PIWIL1: variants seen among roughly 807,000 people sequenced by gnomAD.
The protein encoded by PIWIL1 is piwi-like protein 1.
In PIWIL1, 73 loss-of-function variants were observed where a neutral mutation model predicts 114.4. The observed-to-expected ratio is 0.64, with a 90% CI of 0.53 to 0.78. The LOEUF is 0.78. PIWIL1 is among the 30% of genes least tolerant of loss of function. The pLI, the probability that PIWIL1 is intolerant of heterozygous loss-of-function variation, is 0.00. For synonymous variants in PIWIL1, 375 were observed against 369.0 expected, an observed-to-expected ratio of 1.02 and a Z score of -0.19; for missense variants, 723 against 1,063.1, an observed-to-expected ratio of 0.68 and a Z score of 4.45.
chr12:130,399,784 C>T, the PIWIL1 span: 3 of 1,614,166 alleles, frequency 1.9e-6, no homozygotes, highest in Non-Finnish European at 2.5e-6. Flanking sequence ...AGTTTGAGGG[C>T]ACAAGGCCTT....
At chr12:130,339,202 C>T (rs938377945) in intron 1 of PIWIL1, among the ~76,000 whole-genome samples, 2 of 151,968 alleles carry the variant, frequency 1.3e-5, no homozygotes, top group African/African-American at 4.8e-5. Flanking sequence ...CTGCGAGGCC[C>T]GGGGGTCCTC....
chr12:130,370,635 A>G (rs931439153), intron 19 of PIWIL1, among the ~76,000 whole-genome samples: 2 of 152,172 alleles, frequency 1.3e-5, no homozygotes, highest in African/African-American at 4.8e-5. Flanking sequence ...ACTAGTTTAT[A>G]TTCTTTCATG....
chr12:130,362,854 T>C lies in PIWIL1; in HGVS notation c.2041+18T>C. 2.5e-6 allele frequency: 4 copies of C among 1,613,210 alleles called. No individual in the cohort carries two copies. Among genetic ancestry groups the C allele is most frequent in the Non-Finnish European group, 3.4e-6 (4 of 1,179,318 alleles). On this transcript the variant is annotated intron_variant, in intron 17 of 20. Transcript: ENST00000245255. Reference sequence around the variant, plus strand: ...CCTGCAAGGTTAGTCACCTGTGGGGTTGCCATTCTACTCTCTAAACTGGGG... The same window carrying C: ...CCTGCAAGGTTAGTCACCTGTGGGGCTGCCATTCTACTCTCTAAACTGGGG...
At chr12:130,343,172 C>T in intron 3 of PIWIL1, 71 bp downstream of exon 3, 2 of 1,046,070 alleles carry the variant, frequency 1.9e-6, no homozygotes, top group Non-Finnish European at 2.8e-6. Flanking sequence ...TGAATTAAAA[C>T]TTGGTACAAA....
At chr12:130,380,325 C>A in the PIWIL1 span, among the ~76,000 whole-genome samples, 3 of 152,364 alleles carry the variant, frequency 2.0e-5, no homozygotes, top group Admixed American at 2.0e-4. Context: ...ATTCTAGCAA[C>A]CTCTCCCCCC....
At chr12:130,422,469 C>G in the PIWIL1 span, 1 of 1,611,558 alleles carries the variant, frequency 6.2e-7, no homozygotes, top group Non-Finnish European at 8.5e-7. This position sits in a 1 kb window ranked among gnomAD's most constrained non-coding sequence, Gnocchi z 5.2. Flanking sequence ...ATGGGACTGT[C>G]ACGGGCCGGG....
chr12:130,397,255 CAG>C, the PIWIL1 span: 1 of 395,138 alleles, frequency 2.5e-6, no homozygotes, highest in Non-Finnish European at 4.5e-6. Flanking sequence ...CTACTGGTGT[CAG>C]GGGAGAAGAT....
intron 16 of PIWIL1, among the ~76,000 whole-genome samples, chr12:130,361,991 T>C (rs1262326747): frequency 2.6e-5 from 4 of 152,230 alleles, no homozygotes; most frequent in African/African-American, 9.6e-5. Context: ...TTCTTGGAAC[T>C]AAGGGAATTG....
At chr12:130,358,251 G>A (rs4759661) in intron 14 of PIWIL1, among the ~76,000 whole-genome samples, 51,155 of 152,080 alleles carry the variant, frequency 0.34, 9,606 homozygotes, top group Non-Finnish European at 0.42. Flanking sequence ...AGACAGGGAC[G>A]TTAGATGATG....
At chr12:130,365,884 G>T (rs1410145001) in intron 18 of PIWIL1, among the ~76,000 whole-genome samples, 1 of 152,202 alleles carries the variant, frequency 6.6e-6, no homozygotes. Context: ...CACGTTCATT[G>T]TGGCTTTGTT....
At chr12:130,397,023 C>T in the PIWIL1 span, 1 of 175,006 alleles carries the variant, frequency 5.7e-6, no homozygotes, top group African/African-American at 2.3e-5. Context: ...AAAATCATTC[C>T]TTTAAGGGCA....
chr12:130,391,479 C>G, the PIWIL1 span, among the ~76,000 whole-genome samples: 5 of 152,330 alleles, frequency 3.3e-5, no homozygotes, highest in East Asian at 7.7e-4. Flanking sequence ...TTAACCCTTT[C>G]CTCCCCCGTC....
At chr12:130,340,678 G>C (rs111927284) in intron 1 of PIWIL1, among the ~76,000 whole-genome samples, 6,456 of 141,392 alleles carry the variant, frequency 0.046, 699 homozygotes, top group African/African-American at 0.19. Flanking sequence ...GGTGGTGGTG[G>C]TGCTGCTGCT....
At chr12:130,374,012 A>C (rs1340221621), downstream of PIWIL1, among the ~76,000 whole-genome samples, 1 of 152,192 alleles carries the variant, frequency 6.6e-6, no homozygotes, top group African/African-American at 2.4e-5. Flanking sequence ...TCGTCTGACC[A>C]GTCTACCTGG....
Position 130,342,689 on chromosome 12 carries a change from T to C in PIWIL1, c.78+20T>C, listed in dbSNP as rs1240502404. The stretch of plus-strand genomic sequence containing the variant: ...ACTGCCGTGAGTGCTTCACCGTTTC[T>C]GACTACAGAAAATGTCTTTGACTCT... On this transcript the variant is annotated intron_variant, in intron 2 of 20. Coordinates refer to ENST00000245255, the MANE Select transcript of PIWIL1 (RefSeq NM_004764.5). 6.3e-7 allele frequency: 1 copy of C among 1,581,962 alleles called. No homozygotes were observed. The highest frequency in any genetic ancestry group is 8.7e-7 in the Non-Finnish European group (1 of 1,151,698).
intron 17 of PIWIL1, 32 bp from the exon 18 acceptor site, chr12:130,362,959 A>C: frequency 6.2e-7 from 1 of 1,612,472 alleles, no homozygotes; most frequent in Non-Finnish European, 8.5e-7. Context: ...CGTAGGCATG[A>C]ATTGACATAA....
At chr12:130,383,719 C>T in the PIWIL1 span, 3 of 152,170 alleles carry the variant, frequency 2.0e-5, no homozygotes, top group African/African-American at 7.2e-5. Flanking sequence ...GTGTGGTTTT[C>T]AAATTTTACG....
chr12:130,413,982 C>T, the PIWIL1 span: 1 of 885,598 alleles, frequency 1.1e-6, no homozygotes, highest in Non-Finnish European at 1.8e-6. Flanking sequence ...CGTCACAGCA[C>T]CATGCCACCT....
chr12:130,393,822 G>A, the PIWIL1 span, among the ~76,000 whole-genome samples: 1 of 152,194 alleles, frequency 6.6e-6, no homozygotes, highest in African/African-American at 2.4e-5. Flanking sequence ...TTGGCCAAGT[G>A]CGTAAGACAC....
Sources: gnomAD v4.1 joint callset for allele counts (sites outside exome capture counted in the v4.1 genomes callset) on GRCh38, gnomAD v4.1.1 for gene constraint, Gnocchi (gnomAD v3.1) non-coding constraint, MANE v1.5 for transcripts, NCBI Gene and HGNC (gene_info 2026-07-23, HGNC 2026-07-21) for gene names.